PPARGC1A: variants seen among roughly 807,000 people sequenced by gnomAD.
PPARGC1A encodes peroxisome proliferator-activated receptor gamma coactivator 1-alpha.
A neutral mutation model predicts 88.7 loss-of-function variants in PPARGC1A; 25 were observed. The observed-to-expected ratio is 0.28, with a 90% CI of 0.21 to 0.39. PPARGC1A has a LOEUF of 0.39. PPARGC1A is among the 10% of genes least tolerant of loss of function. The pLI, the probability that PPARGC1A is intolerant of heterozygous loss-of-function variation, is 1.00. For missense variants in PPARGC1A, 880 were observed against 968.7 expected (o/e 0.91, Z 1.22); for synonymous variants, 363 against 355.6 (o/e 1.02, Z -0.24).
chr4:23,934,288 T>C, the PPARGC1A span, among the ~76,000 whole-genome samples: 7 of 152,194 alleles, frequency 4.6e-5, no homozygotes, highest in African/African-American at 1.4e-4. Flanking sequence ...TGGATCCATG[T>C]AGAGAGCTGT....
At chr4:24,470,739 CT>C in the PPARGC1A span, among the ~76,000 whole-genome samples, 6 of 151,220 alleles carry the variant, frequency 4.0e-5, no homozygotes, top group African/African-American at 1.5e-4. This position sits in a 1 kb window ranked among gnomAD's most constrained non-coding sequence, Gnocchi z 5.8. Flanking sequence ...GCCCGACGGT[CT>C]GCCCAGAGCT....
At chr4:24,153,572 C>CT in the PPARGC1A span, among the ~76,000 whole-genome samples, 2 of 152,194 alleles carry the variant, frequency 1.3e-5, no homozygotes, top group Non-Finnish European at 2.9e-5. Flanking sequence ...ATGAGGATAA[C>CT]TAGAAAGCAA....
chr4:24,200,158 G>A, the PPARGC1A span, among the ~76,000 whole-genome samples: 1 of 152,120 alleles, frequency 6.6e-6, no homozygotes, highest in Non-Finnish European at 1.5e-5. Context: ...TAGAAGGGAT[G>A]TATATACAGC....
At chr4:23,824,439 A>C (rs746537802) in intron 6 of PPARGC1A, 24 bp downstream of exon 6, 1 of 1,607,854 alleles carries the variant, frequency 6.2e-7, no homozygotes, top group Non-Finnish European at 8.5e-7. Context: ...CTTTCAGAAA[A>C]TGGTTACATT....
the PPARGC1A span, among the ~76,000 whole-genome samples, chr4:24,448,933 T>C: frequency 6.6e-6 from 1 of 152,314 alleles, no homozygotes; most frequent in South Asian, 2.1e-4. Flanking sequence ...GCCTATTGCC[T>C]CAGAATCACA....
the PPARGC1A span, among the ~76,000 whole-genome samples, chr4:24,033,346 CACTT>C: frequency 2.0e-5 from 3 of 152,028 alleles, no homozygotes; most frequent in South Asian, 2.1e-4. Flanking sequence ...ATTTATTTAG[CACTT>C]ACTGTTTTTA....
At chr4:24,098,890 T>C in the PPARGC1A span, among the ~76,000 whole-genome samples, 1 of 152,214 alleles carries the variant, frequency 6.6e-6, no homozygotes, top group Admixed American at 6.5e-5. Flanking sequence ...TCTGTACATA[T>C]GAATCTGTCA....
the PPARGC1A span, among the ~76,000 whole-genome samples, chr4:24,437,532 G>T: frequency 6.6e-6 from 1 of 152,158 alleles, no homozygotes. Context: ...ACCCCTCGGG[G>T]CTCTGAAGAC....
the PPARGC1A span, among the ~76,000 whole-genome samples, chr4:23,970,798 G>A: frequency 6.6e-6 from 1 of 152,124 alleles, no homozygotes. Flanking sequence ...TGAGGAGTCA[G>A]TGACAACGAT....
At chr4:24,173,984 G>A in the PPARGC1A span, among the ~76,000 whole-genome samples, 1 of 152,118 alleles carries the variant, frequency 6.6e-6, no homozygotes, top group Non-Finnish European at 1.5e-5. Flanking sequence ...TTTAAGCTTA[G>A]AATACATTTG....
At chr4:24,193,249 T>C in the PPARGC1A span, among the ~76,000 whole-genome samples, 1 of 152,218 alleles carries the variant, frequency 6.6e-6, no homozygotes, top group Non-Finnish European at 1.5e-5. Flanking sequence ...CAACAACACA[T>C]AGCAGGACGC....
the PPARGC1A span, among the ~76,000 whole-genome samples, chr4:24,437,529 G>C: frequency 6.6e-6 from 1 of 152,136 alleles, no homozygotes; most frequent in Non-Finnish European, 1.5e-5. Flanking sequence ...GCAACCCCTC[G>C]GGGCTCTGAA....
intron 2 of PPARGC1A, among the ~76,000 whole-genome samples, chr4:23,882,471 G>A (rs1716134169): frequency 6.6e-6 from 1 of 152,168 alleles, no homozygotes; most frequent in Non-Finnish European, 1.5e-5. Flanking sequence ...GTAGGCTGTT[G>A]GATGTTTAGC....
intron 2 of PPARGC1A, among the ~76,000 whole-genome samples, chr4:23,838,156 GGTT>G (rs1176110284): frequency 2.0e-5 from 3 of 152,122 alleles, no homozygotes; most frequent in African/African-American, 7.2e-5. Context: ...TTTGCTTATA[GGTT>G]GTTAAGTATT....
chr4:24,374,120 A>T, the PPARGC1A span, among the ~76,000 whole-genome samples: 1 of 152,224 alleles, frequency 6.6e-6, no homozygotes, highest in East Asian at 1.9e-4. Flanking sequence ...TTCCTACAAC[A>T]TTCAAACTGC....
the PPARGC1A span, among the ~76,000 whole-genome samples, chr4:24,387,956 G>GA: frequency 8.1e-5 from 12 of 148,264 alleles, no homozygotes; most frequent in African/African-American, 3.0e-4. Context: ...AAGAAAGAAA[G>GA]AAAGGGAGAG....
the PPARGC1A span, among the ~76,000 whole-genome samples, chr4:24,195,507 C>T: frequency 2.6e-5 from 4 of 152,114 alleles, no homozygotes; most frequent in Admixed American, 6.6e-5. Context: ...CAAAGTAATT[C>T]ATCTGTTTTA....
chr4:24,436,661 C>T, the PPARGC1A span, among the ~76,000 whole-genome samples: 2 of 138,688 alleles, frequency 1.4e-5, no homozygotes, highest in African/African-American at 2.7e-5. Flanking sequence ...ACCCCAGAGC[C>T]CAGGTCACAG....
chr4:23,980,696 C>G, the PPARGC1A span, among the ~76,000 whole-genome samples: 1 of 152,108 alleles, frequency 6.6e-6, no homozygotes, highest in African/African-American at 2.4e-5. Context: ...GCATTTGGAG[C>G]CGGCCACAGA....
Sources: gnomAD v4.1 joint callset for allele counts (sites outside exome capture counted in the v4.1 genomes callset) on GRCh38, gnomAD v4.1.1 for gene constraint, Gnocchi (gnomAD v3.1) non-coding constraint, MANE v1.5 for transcripts, NCBI Gene and HGNC (gene_info 2026-07-23, HGNC 2026-07-21) for gene names.